Variants in ERCC6L2 observed in about 807,000 individuals in gnomAD.
ERCC6L2 encodes ERCC excision repair 6 like 2, also known as DNA excision repair protein ERCC-6-like 2.
ERCC6L2 carries 77 observed loss-of-function variants against 132.0 expected under a neutral mutation model. The ratio of observed to expected loss-of-function variants is 0.58; its 90% CI spans 0.49 to 0.71. ERCC6L2 has a LOEUF of 0.71. Ranked by LOEUF, ERCC6L2 falls within the 30% of genes least tolerant of loss-of-function variation. ERCC6L2 has a pLI of 0.00. For synonymous variants in ERCC6L2, 583 were observed against 632.4 expected (o/e 0.92, Z 1.17); for missense variants, 1,542 against 1,837.6 (o/e 0.84, Z 2.94).
intron 16 of ERCC6L2, among the ~76,000 whole-genome samples, chr9:95,973,732 T>A (rs1362323322): frequency 6.6e-6 from 1 of 152,200 alleles, no homozygotes; most frequent in Non-Finnish European, 1.5e-5. Context: ...GGAGCTACAA[T>A]TCAGGATGAG....
At chr9:95,907,763 T>C (rs1390176828) in intron 4 of ERCC6L2, among the ~76,000 whole-genome samples, 2 of 150,822 alleles carry the variant, frequency 1.3e-5, no homozygotes, top group African/African-American at 2.4e-5. Flanking sequence ...CTGAACTAGG[T>C]CAGTAATTTT....
chr9:95,893,855 G>A (rs72758433), intron 2 of ERCC6L2, among the ~76,000 whole-genome samples: 5,165 of 152,060 alleles, frequency 0.034, 136 homozygotes, highest in Non-Finnish European at 0.053. Flanking sequence ...TTCATTGTAT[G>A]CTTTAGTAAT....
intron 12 of ERCC6L2, among the ~76,000 whole-genome samples, chr9:95,955,320 CT>C (rs1226884087): frequency 6.6e-6 from 1 of 151,972 alleles, no homozygotes; most frequent in Non-Finnish European, 1.5e-5. Context: ...GTTTTTTTTA[CT>C]TTTTAACAGT....
At position 95,923,723 on chromosome 9, in the gene ERCC6L2, AG is replaced by A. The variant is rs1395612394; in HGVS notation, c.1533+345del. 5.3e-5 allele frequency among the ~76,000 whole-genome samples: 8 copies of A among 152,350 alleles called. No homozygotes were observed. The East Asian group carries it at 1.5e-3, about 29-fold the overall frequency. On this transcript the variant is annotated intron_variant, in intron 9 of 18. Transcript: ENST00000653738. ...GGAAATAACCTACCAGAAATATAAA[AG>A]CTAATGCAAAACAGGGGGGTAAGGA...
At chr9:95,903,267 C>A (rs900935610) in intron 3 of ERCC6L2, among the ~76,000 whole-genome samples, 4 of 152,042 alleles carry the variant, frequency 2.6e-5, no homozygotes, top group Non-Finnish European at 5.9e-5. Context: ...TAAAATTAAA[C>A]TCATTTCTAT....
chr9:95,983,197 A>C (rs2133128120), intron 17 of ERCC6L2, among the ~76,000 whole-genome samples: 1 of 152,316 alleles, frequency 6.6e-6, no homozygotes, highest in Non-Finnish European at 1.5e-5. Flanking sequence ...CCAGTCCTTT[A>C]ATTTTATGTG....
At chr9:95,934,177 T>C (rs1310861014) in intron 11 of ERCC6L2, among the ~76,000 whole-genome samples, 1 of 152,160 alleles carries the variant, frequency 6.6e-6, no homozygotes, top group Non-Finnish European at 1.5e-5. Flanking sequence ...TGTTCTTGGA[T>C]TTTGGTTTTG....
chr9:95,928,998 G>A (rs564872181), intron 11 of ERCC6L2, 134 bp downstream of exon 11: 32 of 570,392 alleles, frequency 5.6e-5, no homozygotes, highest in Admixed American at 3.9e-4. Flanking sequence ...TATTATGACC[G>A]AAATTTCAAT....
intron 12 of ERCC6L2, among the ~76,000 whole-genome samples, chr9:95,944,930 G>T (rs1327571179): frequency 6.6e-6 from 1 of 152,138 alleles, no homozygotes; most frequent in Non-Finnish European, 1.5e-5. Flanking sequence ...TGGAGGCAGG[G>T]CGAGATCACA....
Position 95,972,596 on chromosome 9 carries a change from G to A in ERCC6L2, c.2845G>A (p.Asp949Asn). ...TRNNDNSRNT[D>N]DKRNGIISKK... ...AAATAATGATAATAGTCGAAACACTGATGACAAAAGAAATGGAATAATTTC... is the reference window on the plus strand; with the variant it reads ...AAATAATGATAATAGTCGAAACACTAATGACAAAAGAAATGGAATAATTTC... Residue 949 changes from aspartate (D) to asparagine (N), a missense_variant, in exon 16 of 19, where the codon GAT becomes AAT. Coordinates refer to ENST00000653738, the MANE Select transcript of ERCC6L2 (RefSeq NM_020207.7). The A allele has an allele frequency of 7.8e-7, 1 of 1,289,344 alleles. No homozygotes were observed. Among genetic ancestry groups the A allele is most frequent in the South Asian group, 1.2e-5 (1 of 80,732 alleles). 79.9% of individuals were successfully genotyped at this position (1,289,344 alleles called of 1,614,324 possible).
intron 19 of ERCC6L2, chr9:96,027,922 C>G (rs999218935): frequency 6.6e-6 from 1 of 152,354 alleles, no homozygotes; most frequent in Non-Finnish European, 1.5e-5. Flanking sequence ...GGCAGCAGAG[C>G]TGGGAGCGCG....
intron 12 of ERCC6L2, among the ~76,000 whole-genome samples, chr9:95,945,091 C>CT (rs774151536): frequency 6.6e-6 from 1 of 152,124 alleles, no homozygotes. Flanking sequence ...CCTAATAAGC[C>CT]TGGGAGCACT....
chr9:95,936,577 T>C (rs575595188), intron 11 of ERCC6L2, among the ~76,000 whole-genome samples: 22 of 152,334 alleles, frequency 1.4e-4, no homozygotes, highest in Non-Finnish European at 2.6e-4. Flanking sequence ...TTCTGAGATA[T>C]TTCTAGATTC....
chr9:95,896,408 A>ATT lies in ERCC6L2; in HGVS notation c.472-1430_472-1429dup, dbSNP rs11371289. Among the ~76,000 whole-genome samples, 35 of 136,514 alleles carry ATT rather than the reference A, an allele frequency of 2.6e-4. 1 individual carries two copies. Among genetic ancestry groups the ATT allele is most frequent in the South Asian group, 6.7e-4 (3 of 4,500 alleles). The allele number at this position is 136,514 out of a possible 152,430, so 89.6% of individuals were successfully genotyped here. On this transcript the variant is annotated intron_variant, in intron 2 of 18. Coordinates refer to ENST00000653738, the MANE Select transcript of ERCC6L2 (RefSeq NM_020207.7). ...TGTTTGTTTGTTTGTTTGTTTTTTG[A>ATT]TTTTTTTTTTTTGATTTTTTTTTTT...
chr9:95,984,850 C>G (rs1044952448), intron 17 of ERCC6L2, among the ~76,000 whole-genome samples: 2 of 152,158 alleles, frequency 1.3e-5, no homozygotes, highest in Non-Finnish European at 2.9e-5. Flanking sequence ...GAACAACTTT[C>G]ATAGTTTCTC....
intron 13 of ERCC6L2, among the ~76,000 whole-genome samples, chr9:95,962,068 G>GT (rs985038765): frequency 6.6e-6 from 1 of 152,002 alleles, no homozygotes; most frequent in African/African-American, 2.4e-5. Context: ...CAGCCAAACC[G>GT]TATCACCTAC....
At chr9:96,008,203 A>G (rs1833922138) in intron 18 of ERCC6L2, among the ~76,000 whole-genome samples, 1 of 152,108 alleles carries the variant, frequency 6.6e-6, no homozygotes, top group South Asian at 2.1e-4. Context: ...TCCAAGAGCC[A>G]TGTTGGGACA....
At chr9:95,996,669 C>G (rs1444898088) in intron 17 of ERCC6L2, among the ~76,000 whole-genome samples, 1 of 152,218 alleles carries the variant, frequency 6.6e-6, no homozygotes, top group Non-Finnish European at 1.5e-5. Flanking sequence ...ATCTATTCCA[C>G]TTGTGCTCCA....
chr9:95,974,722 TTG>T (rs139478214), intron 16 of ERCC6L2, among the ~76,000 whole-genome samples: 203 of 149,734 alleles, frequency 1.4e-3, no homozygotes, highest in Non-Finnish European at 2.1e-3. Context: ...GTGGCCAGAT[TTG>T]TGTGTGTGTG....
Sources: gnomAD v4.1 joint callset for allele counts (sites outside exome capture counted in the v4.1 genomes callset) on GRCh38, gnomAD v4.1.1 for gene constraint, MANE v1.5 for transcripts, NCBI Gene and HGNC (gene_info 2026-07-23, HGNC 2026-07-21) for gene names.